The following BIN1 variants were observed in gnomAD, a reference collection of about 807,000 sequenced individuals.
BIN1 encodes the protein myc box-dependent-interacting protein 1.
BIN1 carries 53 observed loss-of-function variants against 82.0 expected under a neutral mutation model. That is an observed-to-expected ratio of 0.65 (90% CI 0.52 to 0.81). The LOEUF (loss-of-function observed/expected upper bound fraction) is 0.81. BIN1 is among the 40% of genes least tolerant of loss of function. The pLI is 0.00. For missense variants in BIN1, 642 were observed against 784.4 expected (o/e 0.82, Z 2.17); for synonymous variants, 302 against 328.0 (o/e 0.92, Z 0.86).
Position 127,059,737 on chromosome 2 carries a change from T to A in BIN1, c.858-582A>T, listed in dbSNP as rs1684195069. On this transcript the variant is annotated intron_variant, in intron 10 of 18. Coordinates refer to ENST00000316724, the MANE Select transcript of BIN1 (RefSeq NM_139343.3). The surrounding 1 kb of genome is among the most constrained non-coding windows in gnomAD (Gnocchi z 6.7). ...CCTGGACAAACTAAGAGAGGCGTCC[T>A]CATCACAGAGGAGTGGGCAGCTGGC... 1.3e-5 allele frequency among the ~76,000 whole-genome samples: 2 copies of A among 152,234 alleles called. No homozygotes were observed. Among genetic ancestry groups the A allele is most frequent in the South Asian group, 4.2e-4 (2 of 4,814 alleles).
rs201839857 is a variant in BIN1 at position 127,059,146 on chromosome 2, C to A, written c.867G>T (p.Ala289=). ...AAGGGCTCTTGTTCCCTTTTGCAGG[C>A]GCGTTGTCACTGTGGGGGAGGACAA... ...FTVKAQPSDN[A]PAKGNKSPSP... is the part of the protein sequence containing the mutation. The change falls in exon 11 of 19, where the codon GCG becomes GCT. Residue 289 remains alanine (A), a synonymous_variant. Transcript: ENST00000316724. The surrounding 1 kb of genome is among the most constrained non-coding windows in gnomAD (Gnocchi z 6.7). 10 of 1,577,692 alleles carry A rather than the reference C, an allele frequency of 6.3e-6. No homozygotes were observed. The highest frequency in any genetic ancestry group is 1.2e-5 in the South Asian group (1 of 85,974).
intron 1 of BIN1, among the ~76,000 whole-genome samples, chr2:127,095,642 G>C (rs1466894569): frequency 6.6e-6 from 1 of 152,228 alleles, no homozygotes; most frequent in Non-Finnish European, 1.5e-5. Flanking sequence ...TGGACTCAGG[G>C]ATGGGGGTGG....
chr2:127,051,337 G>C (rs1170661025), intron 15 of BIN1, 94 bp from the exon 16 acceptor site: 5 of 1,270,722 alleles, frequency 3.9e-6, no homozygotes, highest in African/African-American at 2.9e-5. Context: ...CCAAGCGACA[G>C]GGCCGGGGGC....
intron 5 of BIN1, 56 bp from the exon 6 acceptor site, chr2:127,069,087 A>G: frequency 4.6e-6 from 7 of 1,533,992 alleles, no homozygotes; most frequent in Non-Finnish European, 6.3e-6. Context: ...CTGAGACTCC[A>G]GGTCCAGTGG....
At chr2:127,095,801 A>C (rs1679522509) in intron 1 of BIN1, among the ~76,000 whole-genome samples, 1 of 152,224 alleles carries the variant, frequency 6.6e-6, no homozygotes, top group Non-Finnish European at 1.5e-5. Flanking sequence ...AACAAATGGA[A>C]AGCGGCGGGT....
chr2:127,076,953 G>A (rs1258298516), intron 1 of BIN1, among the ~76,000 whole-genome samples: 3 of 152,132 alleles, frequency 2.0e-5, no homozygotes, highest in Non-Finnish European at 4.4e-5. Flanking sequence ...CAGGCTTGAC[G>A]TAGTGACCAC....
chr2:127,050,623 A>G, intron 17 of BIN1, 101 bp from the exon 18 acceptor site: 1 of 1,411,080 alleles, frequency 7.1e-7, no homozygotes. Context: ...CAGTATGGAG[A>G]CCAGGAGTGC....
intron 2 of BIN1, among the ~76,000 whole-genome samples, chr2:127,072,498 A>G (rs567712585): frequency 3.9e-5 from 6 of 152,194 alleles, no homozygotes; most frequent in Non-Finnish European, 8.8e-5. Context: ...ATGGGTAGTG[A>G]TGCGGCCCTG....
Position 127,070,804 on chromosome 2 carries a change from G to A in BIN1, c.178C>T (p.Arg60Trp), listed in dbSNP as rs567993530. Residue 60 changes from arginine to tryptophan, a missense_variant, in exon 3 of 19, where the codon CGG becomes TGG. Arg to Trp is a moderately radical substitution (Grantham distance 101, BLOSUM62 -3). Coordinates refer to ENST00000316724, the MANE Select transcript of BIN1 (RefSeq NM_139343.3). ...NFNKQLTEGT[R>W]LQKDLRTYLA... is the part of the protein sequence containing the mutation. Reference sequence around the variant, plus strand: ...TAGGTCCGGAGATCCTTCTGCAGCCGGGTGCCCTCCGTCTGCAAAGAGAAG... The same window carrying A: ...TAGGTCCGGAGATCCTTCTGCAGCCAGGTGCCCTCCGTCTGCAAAGAGAAG... The A allele has an allele frequency of 6.8e-6, 11 of 1,612,266 alleles. No individual in the cohort carries two copies. The highest frequency in any genetic ancestry group is 2.0e-4 in the Middle Eastern group (1 of 5,030).
At chr2:127,065,381 G>A (rs1685025748) in intron 7 of BIN1, among the ~76,000 whole-genome samples, 1 of 152,148 alleles carries the variant, frequency 6.6e-6, no homozygotes, top group Admixed American at 6.5e-5. Flanking sequence ...CCCACACCAG[G>A]AGGGGAATAC....
At chr2:127,091,830 G>A (rs1678967873) in intron 1 of BIN1, among the ~76,000 whole-genome samples, 1 of 152,172 alleles carries the variant, frequency 6.6e-6, no homozygotes, top group Non-Finnish European at 1.5e-5. Flanking sequence ...CCAGGAGTTG[G>A]AGGCTGCAGC....
chr2:127,070,674 G>C, intron 3 of BIN1, 27 bp from the exon 4 acceptor site: 1 of 1,613,886 alleles, frequency 6.2e-7, no homozygotes, highest in Middle Eastern at 1.7e-4. Context: ...AAGTATGTGG[G>C]CCTCCCACTG....
intron 7 of BIN1, chr2:127,064,920 G>A (rs770742381): frequency 7.2e-5 from 11 of 152,296 alleles, no homozygotes; most frequent in Non-Finnish European, 1.5e-4. Flanking sequence ...CACTGCCGGC[G>A]AGAGTGACTC....
intron 11 of BIN1, among the ~76,000 whole-genome samples, chr2:127,058,740 C>A (rs902411115): frequency 2.8e-5 from 4 of 144,928 alleles, no homozygotes; most frequent in Admixed American, 7.0e-5. Flanking sequence ...GTCAAGCAGA[C>A]AAAAGACCAG....
In BIN1 at chr2:127,054,103, G is replaced by C. The variant is rs142568045; in HGVS notation, c.1132-91C>G. ...GCAGACACTGCAGGCACAGGCACAC[G>C]CGTGGACACACACACATACACACAC... On this transcript the variant is annotated intron_variant, in intron 12 of 18. Transcript: ENST00000316724. The C allele has an allele frequency of 0.03, 31,317 of 1,035,718 alleles. 696 individuals are homozygous for C. Among genetic ancestry groups the C allele is most frequent in the Middle Eastern group, 0.09 (422 of 4,696 alleles). 64.2% of individuals were successfully genotyped at this position (1,035,718 alleles called of 1,614,324 possible).
At chr2:127,063,719 C>A (rs896415206) in intron 8 of BIN1, 73 bp from the exon 9 acceptor site, 7 of 1,517,032 alleles carry the variant, frequency 4.6e-6, no homozygotes, top group Non-Finnish European at 6.3e-6. Context: ...TACCCACCCA[C>A]GAGCGACCAC....
chr2:127,086,861 C>T (rs1678237120), intron 1 of BIN1, among the ~76,000 whole-genome samples: 2 of 152,112 alleles, frequency 1.3e-5, no homozygotes, highest in Non-Finnish European at 2.9e-5. Context: ...GGCCTCACCC[C>T]CACATGGCGA....
chr2:127,061,714 A>G (rs545984275), intron 10 of BIN1, among the ~76,000 whole-genome samples: 1 of 152,296 alleles, frequency 6.6e-6, no homozygotes, highest in Admixed American at 6.5e-5. Flanking sequence ...TTCCAGGAGC[A>G]GGAGAGGGAA....
intron 18 of BIN1, among the ~76,000 whole-genome samples, chr2:127,050,130 C>T (rs1234441345): frequency 6.6e-6 from 1 of 152,008 alleles, no homozygotes; most frequent in East Asian, 1.9e-4. Flanking sequence ...GAGCTGAGAG[C>T]GCCTGAGCAA....
Sources: gnomAD v4.1 joint callset for allele counts (sites outside exome capture counted in the v4.1 genomes callset) on GRCh38, gnomAD v4.1.1 for gene constraint, Gnocchi (gnomAD v3.1) non-coding constraint, MANE v1.5 for transcripts, NCBI Gene and HGNC (gene_info 2026-07-23, HGNC 2026-07-21) for gene names.